The following CDK14 variants were observed in gnomAD, a reference collection of about 807,000 sequenced individuals.
CDK14 encodes cyclin-dependent kinase 14.
CDK14 carries 34 observed loss-of-function variants against 60.7 expected under a neutral mutation model. That is an observed-to-expected ratio of 0.56 (90% CI 0.43 to 0.75). The LOEUF is 0.75. Ranked by LOEUF, CDK14 falls within the 30% of genes least tolerant of loss-of-function variation. The probability of loss-of-function intolerance (pLI) is 0.00; values close to 1 mark genes in which losing one functional copy is unlikely to be tolerated. For missense variants in CDK14, 482 were observed against 564.1 expected, an observed-to-expected ratio of 0.85 and a Z score of 1.47; for synonymous variants, 197 against 203.7, an observed-to-expected ratio of 0.97 and a Z score of 0.28.
intron 5 of CDK14, among the ~76,000 whole-genome samples, chr7:90,822,558 C>G (rs1345446936): frequency 1.3e-5 from 2 of 152,150 alleles, no homozygotes; most frequent in Admixed American, 6.6e-5. Flanking sequence ...CCCCTCCACT[C>G]CTTTTGCTGC....
chr7:90,917,528 A>G, intron 7 of CDK14, 73 bp from the exon 8 acceptor site: 3 of 1,467,594 alleles, frequency 2.0e-6, no homozygotes, highest in African/African-American at 1.4e-5. Context: ...TAATACAAGT[A>G]CTTAGCAGAC....
chr7:90,939,876 T>C (rs886436041), intron 8 of CDK14, among the ~76,000 whole-genome samples: 2 of 152,174 alleles, frequency 1.3e-5, no homozygotes, highest in Admixed American at 1.3e-4. Flanking sequence ...TAGTAGTTTA[T>C]TTCTGCTTGT....
At chr7:91,150,414 A>G (rs1800798327) in intron 14 of CDK14, among the ~76,000 whole-genome samples, 1 of 152,124 alleles carries the variant, frequency 6.6e-6, no homozygotes, top group South Asian at 2.1e-4. Flanking sequence ...ATTTACATGT[A>G]TTTCAAACAG....
intron 3 of CDK14, among the ~76,000 whole-genome samples, chr7:90,740,635 T>G (rs997626747): frequency 6.6e-6 from 1 of 152,196 alleles, no homozygotes; most frequent in African/African-American, 2.4e-5. Flanking sequence ...CTTCCAAAAC[T>G]GTGAACAAAT....
At chr7:91,123,947 G>T (rs74496509) in intron 14 of CDK14, among the ~76,000 whole-genome samples, 1,728 of 152,114 alleles carry the variant, frequency 0.011, 40 homozygotes, top group African/African-American at 0.039. Context: ...TTAAGAGACA[G>T]GGTCTCGCTC....
chr7:90,652,295 A>G (rs571002832), intron 2 of CDK14, among the ~76,000 whole-genome samples: 2 of 152,364 alleles, frequency 1.3e-5, no homozygotes, highest in African/African-American at 4.8e-5. Flanking sequence ...TGCATGAGGA[A>G]GCATAATTAT....
At chr7:91,166,134 C>T (rs781095342) in intron 14 of CDK14, among the ~76,000 whole-genome samples, 46 of 152,158 alleles carry the variant, frequency 3.0e-4, no homozygotes, top group Admixed American at 9.8e-4. Context: ...TACTGACACC[C>T]TTATGTGTAG....
chr7:90,744,707 G>A (rs1803511262), intron 3 of CDK14, among the ~76,000 whole-genome samples: 1 of 93,492 alleles, frequency 1.1e-5, no homozygotes, highest in African/African-American at 4.2e-5. Context: ...CTTCCCAGTA[G>A]GGGCGGCCGG....
intron 4 of CDK14, among the ~76,000 whole-genome samples, chr7:90,769,953 CATG>C (rs1295623952): frequency 6.6e-6 from 1 of 152,226 alleles, no homozygotes; most frequent in African/African-American, 2.4e-5. Flanking sequence ...GCCATATAAA[CATG>C]AATTTTCCTC....
rs563801234 is a variant in CDK14, at chr7:90,682,473, A to G, written c.124-44094A>G. On this transcript the variant is annotated intron_variant, in intron 2 of 14. Transcript: ENST00000380050. ...AGACATATAGTCTCTTTTTTGAACT[A>G]TTTGAAAGTAAGTTGCATATAAGAT... Among the ~76,000 whole-genome samples, 3 of 152,254 alleles carry G rather than the reference A, an allele frequency of 2.0e-5. No individual in the cohort carries two copies. In the South Asian group the frequency reaches 6.2e-4, roughly 32 times the overall value.
chr7:90,884,466 T>C (rs1791876775), intron 6 of CDK14, among the ~76,000 whole-genome samples: 1 of 152,152 alleles, frequency 6.6e-6, no homozygotes, highest in African/African-American at 2.4e-5. Context: ...CATTCCATGC[T>C]CAAGGATAGG....
chr7:91,203,745 A>G (rs1454613054), intron 14 of CDK14, among the ~76,000 whole-genome samples: 13 of 152,324 alleles, frequency 8.5e-5, no homozygotes, highest in Non-Finnish European at 7.4e-5. Flanking sequence ...CAGTTTTGTC[A>G]TCTGCTTAAT....
At chr7:90,972,353 C>T (rs909373647) in intron 9 of CDK14, among the ~76,000 whole-genome samples, 2 of 152,170 alleles carry the variant, frequency 1.3e-5, no homozygotes, top group Non-Finnish European at 2.9e-5. Flanking sequence ...TAGTCTTTCA[C>T]TTTTCAAATA....
rs192061958 is a variant in CDK14, at chr7:90,795,905, C to T, written c.544+5253C>T. Among the ~76,000 whole-genome samples, 380 of 152,220 alleles carry T rather than the reference C, an allele frequency of 2.5e-3. 2 individuals are homozygous for T. Among genetic ancestry groups the T allele is most frequent in the African/African-American group, 8.7e-3 (363 of 41,526 alleles). ...GAAGGACCAGTGTGACAAGCAGGCC[C>T]ATCAGTGGGAGGTTCAAGGGAAGAA... On this transcript the variant is annotated intron_variant, in intron 5 of 14. Coordinates refer to ENST00000380050, the MANE Select transcript of CDK14 (RefSeq NM_001287135.2).
intron 2 of CDK14, among the ~76,000 whole-genome samples, chr7:90,619,733 C>G (rs1411163836): frequency 6.6e-6 from 1 of 152,182 alleles, no homozygotes; most frequent in Non-Finnish European, 1.5e-5. Context: ...CGGTGGCTCA[C>G]ACCTGTAATC....
At chr7:90,712,231 A>G (rs765223985) in intron 2 of CDK14, among the ~76,000 whole-genome samples, 3 of 151,956 alleles carry the variant, frequency 2.0e-5, no homozygotes, top group Non-Finnish European at 2.9e-5. Flanking sequence ...CATCACCACT[A>G]TCCATTTCCA....
intron 10 of CDK14, among the ~76,000 whole-genome samples, chr7:90,996,569 A>G (rs1290412661): frequency 6.6e-6 from 1 of 152,222 alleles, no homozygotes; most frequent in Non-Finnish European, 1.5e-5. Flanking sequence ...AGTCAAGTTA[A>G]CAGATTATCT....
chr7:91,079,269 G>A (rs990855225), intron 11 of CDK14, among the ~76,000 whole-genome samples, 163 bp from the exon 12 acceptor site: 2 of 152,090 alleles, frequency 1.3e-5, no homozygotes, highest in Non-Finnish European at 2.9e-5. Flanking sequence ...TTATCTTCCT[G>A]TTTTACTCTT....
At chr7:91,186,131 C>T (rs1305968485) in intron 14 of CDK14, among the ~76,000 whole-genome samples, 3 of 54,860 alleles carry the variant, frequency 5.5e-5, no homozygotes, top group African/African-American at 6.4e-5. Context: ...TCCTCTCCTC[C>T]CCTCCCCTCT....
Sources: gnomAD v4.1 joint callset for allele counts (sites outside exome capture counted in the v4.1 genomes callset) on GRCh38, gnomAD v4.1.1 for gene constraint, MANE v1.5 for transcripts, NCBI Gene and HGNC (gene_info 2026-07-23, HGNC 2026-07-21) for gene names.